The following CCDC171 variants were observed in gnomAD, a reference collection of about 807,000 sequenced individuals.
CCDC171 encodes coiled-coil domain-containing protein 171.
Under a neutral mutation model 168.2 loss-of-function variants are expected in CCDC171, and 177 were observed. The ratio of observed to expected loss-of-function variants is 1.05; its 90% CI spans 0.93 to 1.19. CCDC171 has a LOEUF of 1.19. Ranked by LOEUF, CCDC171 falls within the 50% of genes most tolerant of loss-of-function variation. The probability of loss-of-function intolerance (pLI) is 0.00; values close to 1 mark genes in which losing one functional copy is unlikely to be tolerated. For missense variants in CCDC171, 1,991 were observed against 1,539.0 expected (o/e 1.29, Z -4.91); for synonymous variants, 687 against 540.8 (o/e 1.27, Z -3.75).
chr9:15,835,230 A>G (rs963336542), intron 21 of CCDC171, among the ~76,000 whole-genome samples: 1 of 152,220 alleles, frequency 6.6e-6, no homozygotes, highest in Admixed American at 6.5e-5. Flanking sequence ...GAGTTGAATA[A>G]ATGATAGTGA....
At chr9:15,617,379 GTT>G (rs767843005) in intron 6 of CCDC171, among the ~76,000 whole-genome samples, 5 of 138,806 alleles carry the variant, frequency 3.6e-5, no homozygotes, top group Non-Finnish European at 3.2e-5. Context: ...TTGTGGGAGG[GTT>G]TTTTTTTTTT....
chr9:15,899,670 C>T (rs541028724), intron 24 of CCDC171, among the ~76,000 whole-genome samples: 6 of 152,082 alleles, frequency 3.9e-5, no homozygotes, highest in Admixed American at 6.6e-5. Context: ...TATTCTCTTT[C>T]GTAAAATGTA....
chr9:15,926,627 A>AT (rs1283937362), intron 25 of CCDC171, among the ~76,000 whole-genome samples: 45 of 151,644 alleles, frequency 3.0e-4, no homozygotes, highest in Admixed American at 2.9e-3. Context: ...ACTGTTACTC[A>AT]TTAGCCATTA....
At chr9:15,571,066 C>T (rs2040184027) in intron 2 of CCDC171, among the ~76,000 whole-genome samples, 1 of 152,144 alleles carries the variant, frequency 6.6e-6, no homozygotes, top group South Asian at 2.1e-4. Context: ...AATTACTGAG[C>T]TTTTGGGGGT....
At chr9:15,694,006 A>G (rs2051022463) in intron 10 of CCDC171, among the ~76,000 whole-genome samples, 1 of 152,142 alleles carries the variant, frequency 6.6e-6, no homozygotes, top group African/African-American at 2.4e-5. Context: ...ACATCTCACC[A>G]AGGTCACCAA....
chr9:15,607,142 C>A (rs2043286755), intron 6 of CCDC171, among the ~76,000 whole-genome samples: 2 of 152,154 alleles, frequency 1.3e-5, no homozygotes, highest in Non-Finnish European at 2.9e-5. Flanking sequence ...ACAACCCCCC[C>A]AGGGATTTAT....
At chr9:15,982,277 T>C (rs1831822146) in intron 3 of CCDC171, among the ~76,000 whole-genome samples, 1 of 152,176 alleles carries the variant, frequency 6.6e-6, no homozygotes, top group Non-Finnish European at 1.5e-5. Context: ...TGGCCCAGCG[T>C]AGTGATGTGA....
upstream of CCDC171, among the ~76,000 whole-genome samples, chr9:16,039,729 A>G (rs1056437918): frequency 6.6e-6 from 1 of 152,084 alleles, no homozygotes; most frequent in Non-Finnish European, 1.5e-5. Context: ...ATTTGCACAC[A>G]TTACTCCTAC....
intron 21 of CCDC171, among the ~76,000 whole-genome samples, chr9:15,788,805 G>A (rs2058100497): frequency 6.6e-6 from 1 of 151,898 alleles, no homozygotes; most frequent in Non-Finnish European, 1.5e-5. Context: ...CCCTTGTCTT[G>A]GCCTCCCAAA....
At chr9:16,056,227 G>A (rs1268905540) in intron 1 of CCDC171, among the ~76,000 whole-genome samples, 1 of 152,142 alleles carries the variant, frequency 6.6e-6, no homozygotes, top group Non-Finnish European at 1.5e-5. Flanking sequence ...CCACATTTTT[G>A]TAATGAGTAT....
chr9:15,564,567 A>G (rs529609825), intron 2 of CCDC171, among the ~76,000 whole-genome samples: 1 of 152,188 alleles, frequency 6.6e-6, no homozygotes, highest in South Asian at 2.1e-4. Flanking sequence ...TCGCTTCCTT[A>G]CTTGGTATCT....
chr9:15,998,302 A>T (rs1440667634), intron 3 of CCDC171, among the ~76,000 whole-genome samples: 2 of 152,178 alleles, frequency 1.3e-5, no homozygotes, highest in Non-Finnish European at 2.9e-5. Flanking sequence ...CTCAGTCTTC[A>T]GTAGGTCATT....
chr9:15,738,620 A>AT (rs563667508), intron 16 of CCDC171, among the ~76,000 whole-genome samples: 70 of 148,178 alleles, frequency 4.7e-4, no homozygotes, highest in Middle Eastern at 3.5e-3. Flanking sequence ...AAAACATTCG[A>AT]TTTTTTTTTT....
intron 5 of CCDC171, among the ~76,000 whole-genome samples, chr9:15,592,230 G>T (rs1234034660): frequency 6.6e-6 from 1 of 151,816 alleles, no homozygotes; most frequent in African/African-American, 2.4e-5. Context: ...TAGGGAGGTT[G>T]AGGTGGGAAG....
chr9:16,054,045 TG>T (rs1833794613), intron 1 of CCDC171, among the ~76,000 whole-genome samples: 1 of 152,238 alleles, frequency 6.6e-6, no homozygotes, highest in South Asian at 2.1e-4. Context: ...TCCTGCCTTC[TG>T]AAACCATCTT....
chr9:15,843,154 G>C (rs2060754043), intron 21 of CCDC171, among the ~76,000 whole-genome samples: 1 of 151,830 alleles, frequency 6.6e-6, no homozygotes, highest in African/African-American at 2.4e-5. Flanking sequence ...CCTTAACAGA[G>C]AAAATGAAGG....
chr9:15,734,792 T>C (rs903461772), intron 16 of CCDC171, among the ~76,000 whole-genome samples: 3 of 152,136 alleles, frequency 2.0e-5, no homozygotes, highest in African/African-American at 2.4e-5. Context: ...TTTACATTAC[T>C]TAATACATTT....
chr9:16,073,315 C>T, the CCDC171 span, among the ~76,000 whole-genome samples: 31 of 152,292 alleles, frequency 2.0e-4, no homozygotes, highest in African/African-American at 7.0e-4. Context: ...TGGGGTTAGA[C>T]ACACATATTT....
chr9:16,002,355 G>A lies in CCDC171; in HGVS notation n.369-18234G>A, dbSNP rs1026392481. ...ATACTGATGATCTTCACCCTGTGTG[G>A]GCCTAGACTAATGTGTGTGTTTGTG... On this transcript the variant is annotated intron_variant and non_coding_transcript_variant, in intron 3 of 9. Transcript: ENST00000486641. 8.6e-5 allele frequency among the ~76,000 whole-genome samples: 13 copies of A among 151,636 alleles called. 1 individual carries two copies. The highest frequency in any genetic ancestry group is 1.8e-4 in the Non-Finnish European group (12 of 67,930).
Sources: allele counts gnomAD v4.1 joint callset (sites outside exome capture counted in the v4.1 genomes callset), GRCh38; gene constraint gnomAD v4.1.1; transcripts MANE v1.5; gene names NCBI Gene and HGNC (gene_info 2026-07-23, HGNC 2026-07-21).